ZNF69: variants seen among roughly 807,000 people sequenced by gnomAD.
ZNF69 encodes the protein ZNF3.
A neutral mutation model predicts 50.9 loss-of-function variants in ZNF69; 47 were observed. The observed-to-expected ratio is 0.92, with a 90% CI of 0.73 to 1.18. ZNF69 has a LOEUF of 1.18. ZNF69 is among the 50% of genes most tolerant of loss of function. The pLI is 0.00. For synonymous variants in ZNF69, 216 were observed against 223.1 expected, an observed-to-expected ratio of 0.97 and a Z score of 0.29; for missense variants, 717 against 675.1, an observed-to-expected ratio of 1.06 and a Z score of -0.69.
chr19:11,893,938 C>T (rs762639452), intron 1 of ZNF69, among the ~76,000 whole-genome samples: 7 of 152,090 alleles, frequency 4.6e-5, no homozygotes, highest in Non-Finnish European at 7.4e-5. Flanking sequence ...TTGTCTCAAC[C>T]GTGAAGGGAG....
the ZNF69 span, among the ~76,000 whole-genome samples, chr19:11,941,579 G>A: frequency 2.6e-5 from 4 of 152,198 alleles, no homozygotes; most frequent in African/African-American, 7.2e-5. Context: ...AGGGTCGGCC[G>A]GCTGCTCCGA....
At chr19:11,915,352 T>A (rs1972512827), downstream of ZNF69, among the ~76,000 whole-genome samples, 1 of 152,232 alleles carries the variant, frequency 6.6e-6, no homozygotes, top group Non-Finnish European at 1.5e-5. Flanking sequence ...TTCCACAGGA[T>A]GCAAGCACAG....
chr19:11,961,922 T>TACACACACAC, the ZNF69 span, among the ~76,000 whole-genome samples: 2,360 of 145,044 alleles, frequency 0.016, 24 homozygotes, highest in African/African-American at 0.028. Context: ...TGGCCTCTTT[T>TACACACACAC]ACACACACAC....
the ZNF69 span, among the ~76,000 whole-genome samples, chr19:11,934,901 T>C: frequency 6.9e-6 from 1 of 145,458 alleles, no homozygotes; most frequent in Non-Finnish European, 1.5e-5. Context: ...CAGTCTTTGG[T>C]CGGGTGCGGT....
the ZNF69 span, among the ~76,000 whole-genome samples, chr19:11,940,836 C>G: frequency 1.3e-5 from 2 of 152,120 alleles, no homozygotes; most frequent in East Asian, 1.9e-4. Context: ...CACGTCCCCC[C>G]CAGATTAGCT....
chr19:11,920,098 C>T, the ZNF69 span, among the ~76,000 whole-genome samples: 1 of 150,300 alleles, frequency 6.7e-6, no homozygotes, highest in Non-Finnish European at 1.5e-5. Flanking sequence ...AAAAAAGGAA[C>T]TTTTACTTTT....
the ZNF69 span, among the ~76,000 whole-genome samples, chr19:11,964,182 C>G: frequency 6.6e-6 from 1 of 152,204 alleles, no homozygotes; most frequent in Non-Finnish European, 1.5e-5. Context: ...CAAGTGGCCT[C>G]CAGCCGCTCA....
At chr19:11,931,032 T>C in the ZNF69 span, among the ~76,000 whole-genome samples, 2 of 147,846 alleles carry the variant, frequency 1.4e-5, 1 homozygote, top group African/African-American at 5.3e-5. Flanking sequence ...ATGCCCTCGT[T>C]TCACAATTTG....
At chr19:11,916,819 T>C (rs1972526765), downstream of ZNF69, among the ~76,000 whole-genome samples, 1 of 151,906 alleles carries the variant, frequency 6.6e-6, no homozygotes, top group African/African-American at 2.4e-5. Context: ...GGGAAGCTTG[T>C]TTCATTGTAG....
chr19:11,937,300 C>A, the ZNF69 span, among the ~76,000 whole-genome samples: 1 of 151,980 alleles, frequency 6.6e-6, no homozygotes, highest in Non-Finnish European at 1.5e-5. Context: ...TTTGCTAATC[C>A]AGGTGTTTCA....
chr19:11,970,541 T>C, the ZNF69 span, among the ~76,000 whole-genome samples: 1 of 152,258 alleles, frequency 6.6e-6, no homozygotes, highest in Admixed American at 6.5e-5. Flanking sequence ...GAGTAGTAGA[T>C]TGATTATTCT....
Position 11,889,146 on chromosome 19 carries a change from G to C in ZNF69, c.63+1160G>C, listed in dbSNP as rs552523016. 1.8e-3 allele frequency among the ~76,000 whole-genome samples: 269 copies of C among 152,278 alleles called. 1 individual carries two copies. Among genetic ancestry groups the C allele is most frequent in the Middle Eastern group, 0.014 (4 of 294 alleles). ...GAAGGGGGTCTGTTATCTGCCACTT[G>C]ATTCCATCCCAGCCAAAAAACAGAC... On this transcript the variant is annotated intron_variant, in intron 1 of 3. Coordinates refer to ENST00000429654, the MANE Select transcript of ZNF69 (RefSeq NM_001364730.1).
chr19:11,967,917 T>C, the ZNF69 span, among the ~76,000 whole-genome samples: 4 of 152,314 alleles, frequency 2.6e-5, no homozygotes, highest in African/African-American at 9.6e-5. Context: ...AAGAAAACTA[T>C]CCTTTACCTT....
chr19:11,951,401 G>T, the ZNF69 span, among the ~76,000 whole-genome samples: 2 of 151,466 alleles, frequency 1.3e-5, no homozygotes, highest in African/African-American at 4.8e-5. Context: ...GCTAGTATTC[G>T]TATTTTTTTA....
At chr19:11,893,033 C>T (rs1291028864) in intron 1 of ZNF69, among the ~76,000 whole-genome samples, 1 of 152,090 alleles carries the variant, frequency 6.6e-6, no homozygotes, top group African/African-American at 2.4e-5. Flanking sequence ...CGGGGTTTTA[C>T]CACGTTAGCC....
the ZNF69 span, among the ~76,000 whole-genome samples, chr19:11,968,547 C>G: frequency 6.6e-6 from 1 of 152,162 alleles, no homozygotes; most frequent in African/African-American, 2.4e-5. Context: ...TGGATAACAA[C>G]TTAATTTGTA....
At chr19:11,909,634 ACT>A (rs1234944781), downstream of ZNF69, among the ~76,000 whole-genome samples, 35 of 152,142 alleles carry the variant, frequency 2.3e-4, no homozygotes, top group Admixed American at 2.2e-3. Flanking sequence ...TATGCTAAAA[ACT>A]CTCAATAAAC....
the ZNF69 span, among the ~76,000 whole-genome samples, chr19:11,962,038 G>A: frequency 8.9e-4 from 136 of 152,190 alleles, 2 homozygotes; most frequent in African/African-American, 3.1e-3. Context: ...CATAGCCCAA[G>A]ATTTTGGTCT....
chr19:11,909,698 C>T (rs1390911359), downstream of ZNF69, among the ~76,000 whole-genome samples: 1 of 152,100 alleles, frequency 6.6e-6, no homozygotes, highest in Non-Finnish European at 1.5e-5. Flanking sequence ...TATGACAAAC[C>T]TACAGTCAAT....
Sources: gnomAD v4.1 joint callset for allele counts (sites outside exome capture counted in the v4.1 genomes callset) on GRCh38, gnomAD v4.1.1 for gene constraint, MANE v1.5 for transcripts, NCBI Gene and HGNC (gene_info 2026-07-23, HGNC 2026-07-21) for gene names.